The following SLC12A3 variants were observed in gnomAD, a reference collection of about 807,000 sequenced individuals.
The protein encoded by SLC12A3 is solute carrier family 12 member 3.
In SLC12A3, 104 loss-of-function variants were observed where a neutral mutation model predicts 121.0. The ratio of observed to expected loss-of-function variants is 0.86; its 90% CI spans 0.73 to 1.01. The LOEUF (loss-of-function observed/expected upper bound fraction) is 1.01, where lower values mean the gene tolerates loss of function less well. SLC12A3 is among the 50% of genes least tolerant of loss of function. The pLI is 0.00. For missense variants in SLC12A3, 1,328 were observed against 1,356.3 expected (o/e 0.98, Z 0.33); for synonymous variants, 536 against 533.4 (o/e 1.00, Z -0.07).
At chr16:56,905,852 G>T (rs1240725671) in intron 25 of SLC12A3, among the ~76,000 whole-genome samples, 2 of 152,102 alleles carry the variant, frequency 1.3e-5, no homozygotes, top group African/African-American at 4.8e-5. Flanking sequence ...TGATGACGTG[G>T]GCATGAAACG....
intron 24 of SLC12A3, 56 bp downstream of exon 24, chr16:56,902,564 G>C (rs1342424511): frequency 1.2e-6 from 2 of 1,603,228 alleles, no homozygotes; most frequent in African/African-American, 2.7e-5. Flanking sequence ...AGGGACGGGT[G>C]TCCTGCATGT....
At chr16:56,910,457 C>T (rs2055670765) in intron 25 of SLC12A3, among the ~76,000 whole-genome samples, 1 of 152,152 alleles carries the variant, frequency 6.6e-6, no homozygotes. Context: ...CTACCTCAGC[C>T]TCCCGAGTAG....
At chr16:56,888,549 ATTTTTT>A (rs749206626) in intron 18 of SLC12A3, among the ~76,000 whole-genome samples, 22 of 85,918 alleles carry the variant, frequency 2.6e-4, no homozygotes, top group South Asian at 9.7e-4. Flanking sequence ...AGATCTTTTA[ATTTTTT>A]TTTTTTTTTT....
intron 5 of SLC12A3, 63 bp from the exon 6 acceptor site, chr16:56,870,563 C>A: frequency 8.9e-7 from 1 of 1,121,302 alleles, no homozygotes; most frequent in Non-Finnish European, 1.4e-6. Flanking sequence ...CCTAGGTGGG[C>A]AGAGTCTGGG....
At position 56,893,047 on chromosome 16, in the gene SLC12A3, C is replaced by T. The variant is rs142297310; in HGVS notation, c.2514C>T (p.Asp838=). Residue 838 remains aspartate, a synonymous_variant, in exon 21 of 26, where the codon GAC becomes GAT. Transcript: ENST00000563236. The stretch of plus-strand genomic sequence containing the variant: ...CCATAGACATCTACTGGCTCTTTGA[C>T]GATGGAGGTCAGTGACCCCCTTGGA... ...KKTIDIYWLF[D]DGGLTLLIPY... 197 of 1,613,610 alleles carry T rather than the reference C, an allele frequency of 1.2e-4. 1 individual carries two copies. The highest frequency in any genetic ancestry group is 1.6e-4 in the Non-Finnish European group (188 of 1,179,618).
intron 19 of SLC12A3, among the ~76,000 whole-genome samples, chr16:56,890,606 G>T (rs749902438): frequency 6.6e-6 from 1 of 152,044 alleles, no homozygotes; most frequent in Non-Finnish European, 1.5e-5. Context: ...GGGGCAAAAG[G>T]ATCTAATATA....
At chr16:56,867,893 T>C (rs1964397411) in intron 2 of SLC12A3, among the ~76,000 whole-genome samples, 1 of 152,230 alleles carries the variant, frequency 6.6e-6, no homozygotes, top group Non-Finnish European at 1.5e-5. Flanking sequence ...TGAGCTCTGA[T>C]ATCTGCTCTT....
At chr16:56,870,769 G>A (rs372321700) in intron 6 of SLC12A3, 33 bp downstream of exon 6, 2 of 1,364,964 alleles carry the variant, frequency 1.5e-6, no homozygotes, top group South Asian at 1.2e-5. Context: ...GGACATGGAG[G>A]TGGTCACGTG....
chr16:56,889,924 C>G (rs2055366223), intron 18 of SLC12A3, among the ~76,000 whole-genome samples: 1 of 152,236 alleles, frequency 6.6e-6, no homozygotes, highest in African/African-American at 2.4e-5. Flanking sequence ...CTCTCCAAAA[C>G]TCAGTTTTTG....
intron 6 of SLC12A3, 99 bp downstream of exon 6, chr16:56,870,835 C>G: frequency 3.0e-6 from 2 of 667,940 alleles, no homozygotes; most frequent in South Asian, 3.5e-5. Context: ...TTTTCTTTTT[C>G]TTTTCTTTTT....
chr16:56,894,165 A>G (rs12448598), intron 21 of SLC12A3, among the ~76,000 whole-genome samples: 33,349 of 151,622 alleles, frequency 0.22, 3,873 homozygotes, highest in African/African-American at 0.31. Flanking sequence ...CATCAGGCCC[A>G]GCTAATTTTT....
Position 56,869,784 on chromosome 16 carries a change from C to T in SLC12A3, c.561C>T (p.Leu187=). ...TCACGGTGACCTCCATCACAGGCCT[C>T]TCCATCTCAGCCATCTCCACCAATG... ...LSVTVTSITG[L]SISAISTNGK... Residue 187 remains leucine, a synonymous_variant, in exon 4 of 26, where the codon CTC becomes CTT. Coordinates refer to ENST00000563236, the MANE Select transcript of SLC12A3 (RefSeq NM_001126108.2). 1.2e-6 allele frequency: 2 copies of T among 1,614,182 alleles called. No homozygotes were observed. Among genetic ancestry groups the T allele is most frequent in the East Asian group, 4.5e-5 (2 of 44,880 alleles).
intron 22 of SLC12A3, among the ~76,000 whole-genome samples, chr16:56,897,091 CAAA>C: frequency 7.1e-6 from 1 of 140,450 alleles, no homozygotes; most frequent in African/African-American, 2.6e-5. Context: ...GACTCCATCT[CAAA>C]AAAAAAAAAA....
chr16:56,884,835 C>T (rs1483615363), intron 14 of SLC12A3, among the ~76,000 whole-genome samples: 1 of 152,116 alleles, frequency 6.6e-6, no homozygotes, highest in Non-Finnish European at 1.5e-5. Context: ...AGCACAACCT[C>T]GGCTCACTGC....
chr16:56,879,623 C>G lies in SLC12A3; in HGVS notation c.1417C>G (p.Leu473Val), dbSNP rs1175886269. The G allele has an allele frequency of 6.2e-7, 1 of 1,613,418 alleles. No individual in the cohort carries two copies. Reference protein sequence around the residue: ...GATLSSALACLVSAAKVFQCL... With the variant: ...GATLSSALACVVSAAKVFQCL... ...CACCCTCTCCTCTGCCCTGGCCTGC[C>G]TTGTCTCTGCTGCCAAAGTCTTCCA... is the stretch of plus-strand genomic sequence containing the variant. The change falls in exon 11 of 26, where the codon CTT becomes GTT. Residue 473 changes from leucine to valine, a missense_variant. Leu to Val is a conservative substitution (Grantham distance 32, BLOSUM62 1). Transcript: ENST00000563236.
chr16:56,904,040 G>T (rs1206997441), intron 24 of SLC12A3, among the ~76,000 whole-genome samples: 1 of 152,202 alleles, frequency 6.6e-6, no homozygotes, highest in African/African-American at 2.4e-5. Flanking sequence ...GATGAAGATG[G>T]TGAAGGTCAG....
chr16:56,905,924 C>G (rs765152937), intron 25 of SLC12A3, among the ~76,000 whole-genome samples: 1 of 152,152 alleles, frequency 6.6e-6, no homozygotes, highest in Non-Finnish European at 1.5e-5. Flanking sequence ...CAAAATGCAT[C>G]CTGCCTTGGA....
intron 22 of SLC12A3, among the ~76,000 whole-genome samples, chr16:56,895,450 T>C (rs1367298117): frequency 1.3e-5 from 2 of 150,698 alleles, no homozygotes; most frequent in African/African-American, 4.9e-5. Context: ...CACCTCAGCC[T>C]CCCAAAGTGC....
At chr16:56,895,846 A>T (rs2055455231) in intron 22 of SLC12A3, among the ~76,000 whole-genome samples, 1 of 152,112 alleles carries the variant, frequency 6.6e-6, no homozygotes, top group African/African-American at 2.4e-5. Flanking sequence ...TCCTGCAACT[A>T]GATGGTTCCA....
Sources: allele counts gnomAD v4.1 joint callset (sites outside exome capture counted in the v4.1 genomes callset), GRCh38; gene constraint gnomAD v4.1.1; transcripts MANE v1.5; gene names NCBI Gene and HGNC (gene_info 2026-07-23, HGNC 2026-07-21).